Variants in MGST1 observed in about 807,000 individuals in gnomAD.
MGST1 encodes glutathione S-transferase 12.
MGST1 carries 5 observed loss-of-function variants against 8.9 expected under a neutral mutation model. That is an observed-to-expected ratio of 0.56 (90% CI 0.29 to 1.19). The LOEUF is 1.19. Ranked by LOEUF, MGST1 falls within the 50% of genes most tolerant of loss-of-function variation. MGST1 has a pLI of 0.08. For synonymous variants in MGST1, 54 were observed against 67.8 expected, an observed-to-expected ratio of 0.80 and a Z score of 1.00; for missense variants, 182 against 187.4, an observed-to-expected ratio of 0.97 and a Z score of 0.17.
intron 4 of MGST1, among the ~76,000 whole-genome samples, chr12:16,491,443 A>ATTCTGC (rs1289646280): frequency 5.3e-5 from 8 of 152,184 alleles, no homozygotes; most frequent in Non-Finnish European, 1.0e-4. Flanking sequence ...CAAGACCTGT[A>ATTCTGC]TTCTGCTTCT....
chr12:16,429,517 A>G (rs754820392), intron 1 of MGST1, among the ~76,000 whole-genome samples: 8 of 151,734 alleles, frequency 5.3e-5, no homozygotes, highest in Non-Finnish European at 7.4e-5. Context: ...AATTACAAGC[A>G]TACCTCAAAG....
rs1045908121 is a variant in MGST1 at position 16,513,151 on chromosome 12, T to C, written n.483-76377T>C. On this transcript the variant is annotated intron_variant and non_coding_transcript_variant, in intron 4 of 4. Coordinates refer to the MGST1 transcript ENST00000538857. This position sits in a 1 kb window ranked among gnomAD's most constrained non-coding sequence, Gnocchi z 4.2. Reference sequence around the variant, plus strand: ...ATACACATATACATAAACATACATATAACTTAATCCACTGCCTACTATTAG... The same window carrying C: ...ATACACATATACATAAACATACATACAACTTAATCCACTGCCTACTATTAG... Among the ~76,000 whole-genome samples, 15 of 152,228 alleles carry C rather than the reference T, an allele frequency of 9.9e-5. No individual in the cohort carries two copies. The highest frequency in any genetic ancestry group is 1.0e-4 in the Non-Finnish European group (7 of 68,036).
intron 1 of MGST1, among the ~76,000 whole-genome samples, chr12:16,398,972 C>A (rs910045291): frequency 2.0e-5 from 3 of 152,060 alleles, no homozygotes; most frequent in Non-Finnish European, 4.4e-5. Flanking sequence ...CAGAAGCCAT[C>A]GATGTCCTGG....
intron 4 of MGST1, among the ~76,000 whole-genome samples, chr12:16,568,730 G>C (rs1942705256): frequency 6.6e-6 from 1 of 152,054 alleles, no homozygotes; most frequent in African/African-American, 2.4e-5. Context: ...GGCTACTTTG[G>C]CTACTAGAAA....
rs975278038 is a variant in MGST1, at chr12:16,401,353, T to C, written n.778+17749T>C. 1 of 1,266,868 alleles carries C rather than the reference T, an allele frequency of 7.9e-7. No individual in the cohort carries two copies. The highest frequency in any genetic ancestry group is 1.2e-5 in the South Asian group (1 of 84,106). The allele number at this position is 1,266,868 out of a possible 1,614,324, so 78.5% of individuals were successfully genotyped here. On this transcript the variant is annotated intron_variant and non_coding_transcript_variant, in intron 1 of 1. Transcript: ENST00000359720. This position sits in a 1 kb window ranked among gnomAD's most constrained non-coding sequence, Gnocchi z 4.3. ...ACTATTGATTACTAGGAAGCTTTCA[T>C]GGAATTCAATTCCCACCCCAAATCC...
At chr12:16,386,401 G>A (rs577442376) in intron 1 of MGST1, among the ~76,000 whole-genome samples, 19 of 152,270 alleles carry the variant, frequency 1.2e-4, no homozygotes, top group Non-Finnish European at 2.5e-4. Context: ...CATGGATTTA[G>A]AGTGCAAGGG....
intron 4 of MGST1, chr12:16,551,363 C>A: frequency 8.3e-7 from 1 of 1,201,388 alleles, no homozygotes; most frequent in Non-Finnish European, 1.2e-6. Context: ...GTGGTTAAGA[C>A]CATTTCACTT....
chr12:16,359,080 AAAAAT>A (rs1306898159), intron 3 of MGST1, among the ~76,000 whole-genome samples: 1 of 152,162 alleles, frequency 6.6e-6, no homozygotes, highest in Non-Finnish European at 1.5e-5. Context: ...ATGAACTAAA[AAAAAT>A]GTGGCTAAAA....
chr12:16,571,093 T>G (rs2137439750), intron 4 of MGST1, among the ~76,000 whole-genome samples: 1 of 152,250 alleles, frequency 6.6e-6, no homozygotes, highest in Middle Eastern at 3.4e-3. Context: ...TATTTAATAT[T>G]TTATCTTACC....
intron 4 of MGST1, among the ~76,000 whole-genome samples, chr12:16,509,952 T>C (rs1363126125): frequency 6.6e-6 from 1 of 152,176 alleles, no homozygotes; most frequent in Non-Finnish European, 1.5e-5. Flanking sequence ...AATATAGCTC[T>C]CTTGATCCTT....
intron 4 of MGST1, chr12:16,551,151 T>A (rs2137242978): frequency 1.0e-6 from 1 of 984,286 alleles, no homozygotes; most frequent in African/African-American, 1.6e-5. Flanking sequence ...TGTCAATTCT[T>A]ATGTACATGT....
chr12:16,408,230 G>A (rs2137070268), intron 1 of MGST1, among the ~76,000 whole-genome samples: 1 of 152,056 alleles, frequency 6.6e-6, no homozygotes, highest in African/African-American at 2.4e-5. Context: ...GTTGGAGGGT[G>A]GGAGGAGGGA....
rs74063787 is a variant in MGST1, at chr12:16,459,271, T to C, written n.482+75667T>C. Among the ~76,000 whole-genome samples, 510 of 152,210 alleles carry C rather than the reference T, an allele frequency of 3.4e-3. 2 individuals carry two copies. The highest frequency in any genetic ancestry group is 0.011 in the African/African-American group (474 of 41,552). ...TAAATCTCAAGAAGTGTGGGTATAA[T>C]AATATCATCACCTAAGAAACTTGTG... is the stretch of plus-strand genomic sequence containing the variant. On this transcript the variant is annotated intron_variant and non_coding_transcript_variant, in intron 4 of 4. Coordinates refer to the MGST1 transcript ENST00000538857.
rs779634500 is a variant in MGST1 at position 16,413,891 on chromosome 12, A to ATATGAATATG, written n.779-23495_779-23486dup. Among the ~76,000 whole-genome samples, 3 of 152,202 alleles carry ATATGAATATG rather than the reference A, an allele frequency of 2.0e-5. No individual in the cohort carries two copies. The highest frequency in any genetic ancestry group is 4.4e-5 in the Non-Finnish European group (3 of 68,032). On this transcript the variant is annotated intron_variant and non_coding_transcript_variant, in intron 1 of 1. Transcript: ENST00000359720. The surrounding 1 kb of genome is among the most constrained non-coding windows in gnomAD (Gnocchi z 4.0). ...AATGAATGAAAGTATACATATATTAATATGAATATGTGAATGTATATTATT... is the reference window on the plus strand; with the variant it reads ...AATGAATGAAAGTATACATATATTAATATGAATATGTATGAATATGTGAATGTATATTATT...
intron 4 of MGST1, among the ~76,000 whole-genome samples, chr12:16,565,377 A>G (rs1196188504): frequency 6.6e-6 from 1 of 152,184 alleles, no homozygotes; most frequent in East Asian, 1.9e-4. Context: ...TTTTCAACTA[A>G]GGAAGGTAGT....
intron 4 of MGST1, among the ~76,000 whole-genome samples, chr12:16,470,188 T>TA (rs771511082): frequency 3.0e-4 from 46 of 151,802 alleles, no homozygotes; most frequent in East Asian, 1.2e-3. Context: ...ACTTTCTACA[T>TA]AAAAAAAAAT....
intron 4 of MGST1, among the ~76,000 whole-genome samples, chr12:16,540,401 T>A (rs1313115099): frequency 6.6e-6 from 1 of 152,162 alleles, no homozygotes; most frequent in Non-Finnish European, 1.5e-5. Flanking sequence ...GCTTTCCGAG[T>A]AGCTGGGATT....
intron 4 of MGST1, among the ~76,000 whole-genome samples, chr12:16,449,753 A>G (rs1341311139): frequency 1.3e-5 from 2 of 152,066 alleles, no homozygotes; most frequent in East Asian, 3.9e-4. Context: ...ATTAATAAAC[A>G]AGTGAGTCCT....
At chr12:16,565,461 TAG>T (rs1942568363) in intron 4 of MGST1, among the ~76,000 whole-genome samples, 1 of 152,220 alleles carries the variant, frequency 6.6e-6, no homozygotes, top group East Asian at 1.9e-4. Flanking sequence ...TTACAGGCTG[TAG>T]AGAGTTGAGT....
Sources: allele counts gnomAD v4.1 joint callset (sites outside exome capture counted in the v4.1 genomes callset), GRCh38; gene constraint gnomAD v4.1.1; non-coding constraint Gnocchi (gnomAD v3.1); transcripts MANE v1.5; gene names NCBI Gene and HGNC (gene_info 2026-07-23, HGNC 2026-07-21).